Variants in MGAT4C observed in about 807,000 individuals in gnomAD.
The protein encoded by MGAT4C is MGAT4 family member C.
A neutral mutation model predicts 40.1 loss-of-function variants in MGAT4C; 19 were observed. The ratio of observed to expected loss-of-function variants is 0.47; its 90% CI spans 0.33 to 0.70. MGAT4C has a LOEUF of 0.70. Ranked by LOEUF, MGAT4C falls within the 30% of genes least tolerant of loss-of-function variation. MGAT4C has a pLI of 0.02. For missense variants in MGAT4C, 491 were observed against 563.2 expected (o/e 0.87, Z 1.30); for synonymous variants, 181 against 187.1 (o/e 0.97, Z 0.27).
intron 2 of MGAT4C, among the ~76,000 whole-genome samples, chr12:86,711,754 AAT>A (rs1232245533): frequency 1.3e-5 from 2 of 152,200 alleles, no homozygotes; most frequent in Non-Finnish European, 2.9e-5. Context: ...CGAAGAATTT[AAT>A]ATGTCTCATA....
At chr12:86,091,075 C>T (rs985894760) in intron 1 of MGAT4C, among the ~76,000 whole-genome samples, 20 of 151,754 alleles carry the variant, frequency 1.3e-4, no homozygotes, top group Non-Finnish European at 2.5e-4. Context: ...ATGTTAAAAA[C>T]TGAAAGGAAA....
intron 2 of MGAT4C, among the ~76,000 whole-genome samples, chr12:86,535,197 C>T (rs375422090): frequency 1.7e-4 from 26 of 152,036 alleles, no homozygotes; most frequent in African/African-American, 5.5e-4. Context: ...TGCCAATGAC[C>T]CGTGTATTTC....
At chr12:86,203,917 A>G (rs958032453) in intron 1 of MGAT4C, among the ~76,000 whole-genome samples, 5 of 150,054 alleles carry the variant, frequency 3.3e-5, no homozygotes, top group African/African-American at 1.2e-4. Context: ...AGATCGCGCC[A>G]TTGCACTCCA....
chr12:86,788,323 C>A (rs1951968488), intron 1 of MGAT4C, among the ~76,000 whole-genome samples: 1 of 146,816 alleles, frequency 6.8e-6, no homozygotes, highest in African/African-American at 2.5e-5. Flanking sequence ...GGTAAAACAT[C>A]CTGAATTATC....
chr12:86,318,412 G>T (rs1199516582), intron 4 of MGAT4C, among the ~76,000 whole-genome samples: 1 of 152,192 alleles, frequency 6.6e-6, no homozygotes, highest in Non-Finnish European at 1.5e-5. Flanking sequence ...GTCTGGCAAT[G>T]TCCAAAATGC....
chr12:86,564,140 C>T (rs1959986042), intron 2 of MGAT4C, among the ~76,000 whole-genome samples: 1 of 152,132 alleles, frequency 6.6e-6, no homozygotes, highest in Non-Finnish European at 1.5e-5. Flanking sequence ...TCCTATTTGG[C>T]CTGTGCAGAA....
chr12:86,136,976 C>T (rs1028503452), intron 1 of MGAT4C, among the ~76,000 whole-genome samples: 3 of 151,960 alleles, frequency 2.0e-5, no homozygotes, highest in South Asian at 4.2e-4. Flanking sequence ...ATGAGCCGCG[C>T]GCCTGGCTCA....
At chr12:86,011,736 A>T in intron 2 of MGAT4C, 1 of 627,996 alleles carries the variant, frequency 1.6e-6, no homozygotes, top group Non-Finnish European at 2.0e-6. Flanking sequence ...TGTTAATATA[A>T]TTTGCGAATA....
At chr12:86,679,358 A>C (rs1361347466) in intron 2 of MGAT4C, among the ~76,000 whole-genome samples, 1 of 152,122 alleles carries the variant, frequency 6.6e-6, no homozygotes. Context: ...TTTAAGATAC[A>C]GACCAGATCA....
At chr12:86,056,240 AT>A (rs890640769) in intron 1 of MGAT4C, among the ~76,000 whole-genome samples, 19 of 151,994 alleles carry the variant, frequency 1.3e-4, no homozygotes, top group Admixed American at 4.6e-4. Context: ...ATTTATTTTT[AT>A]TTTTTAATTA....
chr12:86,578,726 A>G (rs533277887), intron 2 of MGAT4C, among the ~76,000 whole-genome samples: 1 of 151,772 alleles, frequency 6.6e-6, no homozygotes, highest in African/African-American at 2.4e-5. Flanking sequence ...TTCATTTCTC[A>G]TTTTAATATT....
chr12:86,125,849 G>A (rs1880151597), intron 1 of MGAT4C, among the ~76,000 whole-genome samples: 2 of 151,802 alleles, frequency 1.3e-5, no homozygotes, highest in Non-Finnish European at 1.5e-5. Flanking sequence ...AGTGACAGCT[G>A]CATAAACTAA....
At chr12:86,811,377 C>G (rs1172657100) in intron 1 of MGAT4C, among the ~76,000 whole-genome samples, 1 of 133,678 alleles carries the variant, frequency 7.5e-6, no homozygotes, top group Non-Finnish European at 1.6e-5. Flanking sequence ...GAGTCTCACT[C>G]TGTCACCCAG....
At chr12:86,645,829 GTTA>G (rs1963525890) in intron 2 of MGAT4C, among the ~76,000 whole-genome samples, 2 of 151,642 alleles carry the variant, frequency 1.3e-5, no homozygotes, top group Admixed American at 1.3e-4. Context: ...TGAGATTCTA[GTTA>G]TTATTTTTCT....
intron 1 of MGAT4C, chr12:86,068,353 C>G (rs1894759427): frequency 6.6e-6 from 1 of 151,996 alleles, no homozygotes; most frequent in South Asian, 2.1e-4. Flanking sequence ...TTGTCATCAT[C>G]ATTGATATTA....
At chr12:86,574,716 C>G (rs1320790280) in intron 2 of MGAT4C, among the ~76,000 whole-genome samples, 4 of 151,588 alleles carry the variant, frequency 2.6e-5, no homozygotes, top group Non-Finnish European at 5.9e-5. Context: ...GTAATAACTG[C>G]CTTCATTGAT....
chr12:86,602,989 C>A (rs1051345909), intron 2 of MGAT4C, among the ~76,000 whole-genome samples: 1 of 151,302 alleles, frequency 6.6e-6, no homozygotes, highest in African/African-American at 2.4e-5. Context: ...AAGCATATTA[C>A]GCTACGTGAA....
intron 2 of MGAT4C, among the ~76,000 whole-genome samples, chr12:86,439,065 C>A (rs568048440): frequency 2.0e-5 from 3 of 152,006 alleles, no homozygotes; most frequent in South Asian, 4.1e-4. Flanking sequence ...TTAGACAGAT[C>A]GTTGAGGCAG....
At chr12:86,451,062 C>A (rs1337422636) in intron 2 of MGAT4C, among the ~76,000 whole-genome samples, 2 of 152,060 alleles carry the variant, frequency 1.3e-5, no homozygotes, top group South Asian at 2.1e-4. Context: ...TCACACAAAT[C>A]TCATATAGAA....
Sources: gnomAD v4.1 joint callset for allele counts (sites outside exome capture counted in the v4.1 genomes callset) on GRCh38, gnomAD v4.1.1 for gene constraint, MANE v1.5 for transcripts, NCBI Gene and HGNC (gene_info 2026-07-23, HGNC 2026-07-21) for gene names.